Variants in HYCC1 observed in about 807,000 individuals in gnomAD.
HYCC1 encodes the protein hyccin PI4KA lipid kinase complex subunit 1.
chr7:22,997,538 T>G, the HYCC1 span, among the ~76,000 whole-genome samples: 1 of 152,282 alleles, frequency 6.6e-6, no homozygotes, highest in Non-Finnish European at 1.5e-5. Context: ...TGGGTGAATT[T>G]CAGGAAAACA....
chr7:22,925,086 C>G, the HYCC1 span, among the ~76,000 whole-genome samples: 2 of 152,178 alleles, frequency 1.3e-5, no homozygotes, highest in African/African-American at 4.8e-5. Flanking sequence ...TGAAGTGGAC[C>G]TCCAGTAAAC....
the HYCC1 span, among the ~76,000 whole-genome samples, chr7:22,903,678 A>T: frequency 2.0e-5 from 3 of 152,230 alleles, no homozygotes; most frequent in Admixed American, 6.5e-5. Flanking sequence ...TCAGAAAATA[A>T]AGCAGGAGGA....
At chr7:22,985,050 C>A in the HYCC1 span, among the ~76,000 whole-genome samples, 2 of 152,016 alleles carry the variant, frequency 1.3e-5, no homozygotes, top group Admixed American at 1.3e-4. Context: ...TGGAGCACAC[C>A]CCCTCCTCAG....
At chr7:22,923,112 A>C in the HYCC1 span, among the ~76,000 whole-genome samples, 1 of 152,190 alleles carries the variant, frequency 6.6e-6, no homozygotes, top group Non-Finnish European at 1.5e-5. Context: ...CAAAATACTC[A>C]TATTTAAGTG....
chr7:23,008,016 C>G, the HYCC1 span, among the ~76,000 whole-genome samples: 1 of 152,044 alleles, frequency 6.6e-6, no homozygotes, highest in Non-Finnish European at 1.5e-5. Context: ...AGCCAAGGAT[C>G]CTCACTGTTC....
the HYCC1 span, among the ~76,000 whole-genome samples, chr7:22,986,979 G>T: frequency 6.6e-6 from 1 of 152,186 alleles, no homozygotes; most frequent in Non-Finnish European, 1.5e-5. Context: ...AAGATGGACA[G>T]ATGGGTGAAG....
chr7:22,994,371 C>T, the HYCC1 span, among the ~76,000 whole-genome samples: 8 of 151,978 alleles, frequency 5.3e-5, no homozygotes, highest in South Asian at 2.1e-4. Context: ...ACAGATAAAA[C>T]GAATCCATTT....
At chr7:22,990,468 A>G in the HYCC1 span, among the ~76,000 whole-genome samples, 1 of 152,230 alleles carries the variant, frequency 6.6e-6, no homozygotes. Flanking sequence ...GTGGTTCATG[A>G]TCATGCAAGT....
At chr7:22,978,150 T>A in the HYCC1 span, 1 of 877,886 alleles carries the variant, frequency 1.1e-6, no homozygotes, top group South Asian at 1.4e-5. Context: ...AAGAATGGGC[T>A]ATGAGTCATT....
At chr7:22,928,613 G>C in the HYCC1 span, among the ~76,000 whole-genome samples, 1 of 152,028 alleles carries the variant, frequency 6.6e-6, no homozygotes, top group African/African-American at 2.4e-5. Context: ...AAAATACCTA[G>C]GAATCCAACT....
At chr7:22,965,432 A>AT in the HYCC1 span, among the ~76,000 whole-genome samples, 1 of 151,222 alleles carries the variant, frequency 6.6e-6, no homozygotes, top group East Asian at 1.9e-4. Context: ...AGATCAATAG[A>AT]TTTTACTTTT....
the HYCC1 span, chr7:22,943,867 T>A: frequency 3.9e-5 from 6 of 152,610 alleles, no homozygotes; most frequent in African/African-American, 9.6e-5. Context: ...CTTATTCCAT[T>A]CTGTTACTGG....
the HYCC1 span, among the ~76,000 whole-genome samples, chr7:22,969,419 G>C: frequency 6.6e-6 from 1 of 151,720 alleles, no homozygotes; most frequent in Non-Finnish European, 1.5e-5. Flanking sequence ...ACCCGCCGTG[G>C]CCTCTCAAAG....
At chr7:22,946,015 G>T in the HYCC1 span, 3 of 1,613,502 alleles carry the variant, frequency 1.9e-6, no homozygotes, top group Admixed American at 1.7e-5. Context: ...ACCGTCTGTG[G>T]TTCTTTCCTA....
the HYCC1 span, among the ~76,000 whole-genome samples, chr7:22,974,541 A>C: frequency 6.6e-6 from 1 of 152,178 alleles, no homozygotes; most frequent in Non-Finnish European, 1.5e-5. Flanking sequence ...ATTATGCTCT[A>C]ATTTGGAAAA....
chr7:22,974,069 AGT>A, the HYCC1 span, among the ~76,000 whole-genome samples: 1 of 152,180 alleles, frequency 6.6e-6, no homozygotes, highest in African/African-American at 2.4e-5. Context: ...TGGACTTTGC[AGT>A]GTGTTCTAAG....
the HYCC1 span, among the ~76,000 whole-genome samples, chr7:22,957,133 T>C: frequency 6.6e-6 from 1 of 151,802 alleles, no homozygotes; most frequent in African/African-American, 2.4e-5. Flanking sequence ...GTAAAGAAAA[T>C]TGAAAGATTC....
chr7:22,905,313 T>G, the HYCC1 span, among the ~76,000 whole-genome samples: 24 of 150,630 alleles, frequency 1.6e-4, no homozygotes, highest in African/African-American at 5.6e-4. Flanking sequence ...CAAGCGATTC[T>G]CCTGTCTCAG....
At chr7:22,912,497 A>G in the HYCC1 span, among the ~76,000 whole-genome samples, 1 of 152,212 alleles carries the variant, frequency 6.6e-6, no homozygotes, top group South Asian at 2.1e-4. Flanking sequence ...ACACTCACAC[A>G]TAAAATGGAG....
Sources: allele counts gnomAD v4.1 joint callset (sites outside exome capture counted in the v4.1 genomes callset), GRCh38; gene constraint gnomAD v4.1.1; transcripts MANE v1.5; gene names NCBI Gene and HGNC (gene_info 2026-07-23, HGNC 2026-07-21).